The following NUP214 variants were observed in gnomAD, a reference collection of about 807,000 sequenced individuals.
NUP214 encodes nuclear pore complex protein Nup214.
Under a neutral mutation model 196.2 loss-of-function variants are expected in NUP214, and 79 were observed. The observed-to-expected ratio is 0.40, with a 90% CI of 0.34 to 0.49. The LOEUF (loss-of-function observed/expected upper bound fraction) is 0.49. Among genes scored for constraint, NUP214 ranks in the 20% least tolerant of loss-of-function variants. The pLI, the probability that NUP214 is intolerant of heterozygous loss-of-function variation, is 0.58. For missense variants in NUP214, 2,468 were observed against 2,539.0 expected, an observed-to-expected ratio of 0.97 and a Z score of 0.60; for synonymous variants, 1,020 against 990.5, an observed-to-expected ratio of 1.03 and a Z score of -0.56.
Position 131,146,030 on chromosome 9 carries a change from A to G in NUP214, c.1770-99A>G, listed in dbSNP as rs1022057395. ...AAGTATGTTATCTTTGTAAGTTAAC[A>G]TAAAAGATAATAAGTTATCTTTTGA... is the stretch of plus-strand genomic sequence containing the variant. On this transcript the variant is annotated intron_variant, in intron 12 of 35. Transcript: ENST00000359428. The surrounding 1 kb of genome is among the most constrained non-coding windows in gnomAD (Gnocchi z 4.6). 3.5e-6 allele frequency: 4 copies of G among 1,134,766 alleles called. No individual in the cohort carries two copies. The Admixed American group carries it at 6.5e-5, about 19-fold the overall frequency. The allele number at this position is 1,134,766 out of a possible 1,614,324, so 70.3% of individuals were successfully genotyped here.
chr9:131,131,921 T>G (rs1475658060), intron 5 of NUP214, among the ~76,000 whole-genome samples: 2 of 151,984 alleles, frequency 1.3e-5, no homozygotes, highest in African/African-American at 4.8e-5. Context: ...ACTCCTGGGC[T>G]CAAGCAGTGT....
rs1486480855 is a variant in NUP214 at position 131,133,113 on chromosome 9, T to C, written c.735T>C (p.Asp245=). 1 of 1,611,308 alleles carries C rather than the reference T, an allele frequency of 6.2e-7. No homozygotes were observed. The highest frequency in any genetic ancestry group is 8.5e-7 in the Non-Finnish European group (1 of 1,178,462). The part of the protein sequence containing the change: ...YESDHPVRVL[D]VLWIGTYVFA... ...TTAAGATGTGTCTTTCAGTTCTGGA[T>C]GTGCTGTGGATTGGTACCTACGTCT... is the stretch of plus-strand genomic sequence containing the variant. The change falls in exon 7 of 36, where the codon GAT becomes GAC. Residue 245 remains aspartate, a synonymous_variant. Coordinates refer to ENST00000359428, the MANE Select transcript of NUP214 (RefSeq NM_005085.4).
chr9:131,196,299 C>T (rs1200498951), intron 28 of NUP214, among the ~76,000 whole-genome samples: 1 of 151,902 alleles, frequency 6.6e-6, no homozygotes. Context: ...GCTGGGATTA[C>T]AGGCGCCCAC....
At chr9:131,175,757 TC>T in intron 23 of NUP214, 136 bp downstream of exon 23, 1 of 1,281,408 alleles carries the variant, frequency 7.8e-7, no homozygotes, top group Non-Finnish European at 1.0e-6. Context: ...GACAGCCCTC[TC>T]CCCTTTGTGG....
intron 26 of NUP214, 70 bp from the exon 27 acceptor site, chr9:131,192,138 T>C (rs1833619138): frequency 2.8e-6 from 3 of 1,055,120 alleles, no homozygotes; most frequent in Non-Finnish European, 2.7e-6. Flanking sequence ...AATTATACAC[T>C]GGAACAGTGT....
chr9:131,141,897 G>A (rs1211733424), intron 11 of NUP214: 1 of 152,072 alleles, frequency 6.6e-6, no homozygotes, highest in Non-Finnish European at 1.5e-5. Flanking sequence ...ATTATGACCA[G>A]TTTCTTACCT....
Position 131,133,088 on chromosome 9 carries a change from T to C in NUP214, c.728-18T>C, listed in dbSNP as rs142131228. The C allele has an allele frequency of 6.4e-3, 10,125 of 1,579,884 alleles. 37 individuals carry two copies. Among genetic ancestry groups the C allele is most frequent in the Non-Finnish European group, 7.7e-3 (8,796 of 1,149,480 alleles). On this transcript the variant is annotated intron_variant, in intron 6 of 35. Coordinates refer to ENST00000359428, the MANE Select transcript of NUP214 (RefSeq NM_005085.4). ...TGCTGTCATTTTTATGAGCTACTGA[T>C]TAAGATGTGTCTTTCAGTTCTGGAT...
In NUP214 at chr9:131,125,608, C is replaced by A; in HGVS notation, c.-97C>A. 3 of 1,548,716 alleles carry A rather than the reference C, an allele frequency of 1.9e-6. No individual in the cohort carries two copies. Among genetic ancestry groups the A allele is most frequent in the Non-Finnish European group, 2.6e-6 (3 of 1,145,302 alleles). On this transcript the variant is annotated 5_prime_UTR_variant, in exon 1 of 36. Coordinates refer to ENST00000359428, the MANE Select transcript of NUP214 (RefSeq NM_005085.4). The surrounding 1 kb of genome is among the most constrained non-coding windows in gnomAD (Gnocchi z 4.1). Reference sequence around the variant, plus strand: ...TGCGAGGTCAACTGCGCGCCGCTGGCGCTGAGGGGAGGAAGTTTGCTGTCG... The same window carrying A: ...TGCGAGGTCAACTGCGCGCCGCTGGAGCTGAGGGGAGGAAGTTTGCTGTCG...
intron 24 of NUP214, among the ~76,000 whole-genome samples, chr9:131,180,698 AT>A (rs1251425444): frequency 5.9e-5 from 9 of 152,188 alleles, no homozygotes; most frequent in African/African-American, 2.2e-4. Context: ...GATTCAGCAG[AT>A]TCTTACACAG....
chr9:131,153,670 G>A (rs1466815610), intron 17 of NUP214, among the ~76,000 whole-genome samples: 1 of 152,190 alleles, frequency 6.6e-6, no homozygotes, highest in Non-Finnish European at 1.5e-5. Flanking sequence ...ATACTAGTTA[G>A]CATGTATTGA....
chr9:131,172,312 GA>G (rs1832982549), intron 21 of NUP214, among the ~76,000 whole-genome samples: 1 of 152,166 alleles, frequency 6.6e-6, no homozygotes, highest in African/African-American at 2.4e-5. Context: ...CAGTGATGGT[GA>G]GCATTTTGTC....
rs1834690171 is a variant in NUP214 at position 131,225,294 on chromosome 9, C to T, written c.5902+2364C>T. Among the ~76,000 whole-genome samples the T allele has an allele frequency of 2.0e-5, 3 of 152,234 alleles. No individual in the cohort carries two copies. In the South Asian group the frequency reaches 6.2e-4, roughly 32 times the overall value. The stretch of plus-strand genomic sequence containing the variant: ...ATAAGCCAGGCACGTTGGTGCACAC[C>T]TGTAGTCCCAGCTCCTCGGGAGACT... On this transcript the variant is annotated intron_variant, in intron 32 of 35. Transcript: ENST00000359428.
At chr9:131,135,042 C>G in intron 8 of NUP214, 38 bp downstream of exon 8, 1 of 1,368,196 alleles carries the variant, frequency 7.3e-7, no homozygotes, top group South Asian at 1.2e-5. Flanking sequence ...CCTGCTCTCA[C>G]TGGAAGATCA....
Position 131,222,892 on chromosome 9 carries a change from C to T in NUP214, c.5864C>T (p.Ala1955Val). 1 of 1,614,198 alleles carries T rather than the reference C, an allele frequency of 6.2e-7. No individual in the cohort carries two copies. The highest frequency in any genetic ancestry group is 8.5e-7 in the Non-Finnish European group (1 of 1,180,030). Reference sequence around the variant, plus strand: ...TTCAGCTCTGGAGGAGGAAGTGTGGCATCCCAAGGCTTTGGGTTTTCCTCT... The same window carrying T: ...TTCAGCTCTGGAGGAGGAAGTGTGGTATCCCAAGGCTTTGGGTTTTCCTCT... ...GTFSSGGGSV[A>V]SQGFGFSSPN... Residue 1955 changes from alanine to valine, a missense_variant, in exon 32 of 36, where the codon GCA becomes GTA. By Grantham distance (64) the Ala-to-Val change is moderately conservative. Around this residue, in one of 5 missense-constraint regions of NUP214, gnomAD observed 262 missense variants for 296.5 expected, o/e 0.88. Transcript: ENST00000359428.
At chr9:131,190,286 C>CT (rs769294754) in intron 26 of NUP214, 22 of 528,418 alleles carry the variant, frequency 4.2e-5, no homozygotes, top group Admixed American at 2.7e-4. Context: ...ATCATATACT[C>CT]TTTTTTCAAG....
At chr9:131,217,766 T>G (rs1834443837) in intron 31 of NUP214, among the ~76,000 whole-genome samples, 1 of 152,202 alleles carries the variant, frequency 6.6e-6, no homozygotes, top group Admixed American at 6.5e-5. Flanking sequence ...TTGTTAAAAG[T>G]TAAATGTGTC....
intron 22 of NUP214, 29 bp from the exon 23 acceptor site, chr9:131,175,431 C>G (rs375580533): frequency 6.2e-7 from 1 of 1,613,252 alleles, no homozygotes; most frequent in Non-Finnish European, 8.5e-7. Flanking sequence ...CTCTCACCCA[C>G]TCACACTTAA....
chr9:131,211,439 G>A (rs1834237898), intron 30 of NUP214, among the ~76,000 whole-genome samples: 1 of 152,022 alleles, frequency 6.6e-6, no homozygotes, highest in African/African-American at 2.4e-5. Flanking sequence ...ATTTTTCCTG[G>A]TAATTCAGTT....
rs1020779871 is a variant in NUP214 at position 131,198,362 on chromosome 9, T to C, written c.4868T>C (p.Ile1623Thr). Residue 1623 changes from isoleucine to threonine, a missense_variant, in exon 29 of 36, where the codon ATT becomes ACT. Coordinates refer to ENST00000359428, the MANE Select transcript of NUP214 (RefSeq NM_005085.4). ...CCCATAGCCTCCAGCACCACGTCCA[T>C]TGTTGCTCCCGGCCCATCTGCAGAG... ...STPIASSTTS[I>T]VAPGPSAEAA... 10 of 1,614,062 alleles carry C rather than the reference T, an allele frequency of 6.2e-6. No individual in the cohort carries two copies. The highest frequency in any genetic ancestry group is 1.3e-5 in the African/African-American group (1 of 74,926).
Sources: gnomAD v4.1 joint callset for allele counts (sites outside exome capture counted in the v4.1 genomes callset) on GRCh38, gnomAD v4.1.1 for gene constraint, gnomAD v4.1.1 regional missense constraint, Gnocchi (gnomAD v3.1) non-coding constraint, MANE v1.5 for transcripts, NCBI Gene and HGNC (gene_info 2026-07-23, HGNC 2026-07-21) for gene names.